Variants in PKD1 observed in about 807,000 individuals in gnomAD.
The protein encoded by PKD1 is polycystin-1.
PKD1 carries 81 observed loss-of-function variants against 361.7 expected under a neutral mutation model. That is an observed-to-expected ratio of 0.22 (90% CI 0.19 to 0.27). The LOEUF (loss-of-function observed/expected upper bound fraction) is 0.27. PKD1 is among the 10% of genes least tolerant of loss of function. The pLI, the probability that PKD1 is intolerant of heterozygous loss-of-function variation, is 1.00. For synonymous variants in PKD1, 3,615 were observed against 2,818.3 expected, an observed-to-expected ratio of 1.28 and a Z score of -8.95; for missense variants, 6,399 against 6,118.3, an observed-to-expected ratio of 1.05 and a Z score of -1.53.
rs1371585208 is a variant in PKD1, at chr16:2,119,058, G to A, written c.359+56C>T. ...ACACGGACCAACTGGGAGGGCAGAA[G>A]GGATATTGGGGGCCTGGGGTCCAGC... is the stretch of plus-strand genomic sequence containing the variant. On this transcript the variant is annotated intron_variant, in intron 3 of 45. Transcript: ENST00000262304. 10 of 1,011,874 alleles carry A rather than the reference G, an allele frequency of 9.9e-6. No homozygotes were observed. The Admixed American group carries it at 1.5e-4, about 15-fold the overall frequency. The allele number at this position is 1,011,874 out of a possible 1,614,324, so 62.7% of individuals were successfully genotyped here. A position where few individuals can be genotyped will look rare whatever the true frequency, so the allele number is the denominator to read the frequency against.
Position 2,110,469 on chromosome 16 carries a change from C to A in PKD1, c.4698G>T (p.Val1566=). 6.2e-7 allele frequency: 1 copy of A among 1,612,526 alleles called. No homozygotes were observed. Among genetic ancestry groups the A allele is most frequent in the East Asian group, 2.2e-5 (1 of 44,888 alleles). Residue 1566 remains valine (V), a synonymous_variant, in exon 15 of 46, where the codon GTG becomes GTT. Transcript: ENST00000262304. ...CGGCCTCCAGCGACGTGCTGAAGCT[C>A]ACGCTCCCATTCAGGGGCACCACCG... The part of the protein sequence containing the change: ...SRTVVPLNGS[V]SFSTSLEAGS...
At chr16:2,116,721 C>T in intron 7 of PKD1, 77 bp from the exon 8 acceptor site, 1 of 1,174,870 alleles carries the variant, frequency 8.5e-7, no homozygotes, top group Non-Finnish European at 1.2e-6. Context: ...GACCGAGCCG[C>T]CCGAAAACCC....
At position 2,092,029 on chromosome 16, in the gene PKD1, G is replaced by A. The variant is rs183078730; in HGVS notation, c.11411+18C>T. ...CCTTGTCCTTGGCGTAGACGCCCGG[G>A]GCCCTCGCTCTGCTCACCCCAGCAG... On this transcript the variant is annotated intron_variant, in intron 40 of 45. Transcript: ENST00000262304. 1,313 of 1,612,702 alleles carry A rather than the reference G, an allele frequency of 8.1e-4. 9 individuals are homozygous for A. The African/African-American group carries it at 0.015, about 19-fold the overall frequency.
intron 42 of PKD1, 43 bp downstream of exon 42, chr16:2,091,380 G>T (rs1416708099): frequency 1.0e-5 from 11 of 1,060,590 alleles, no homozygotes; most frequent in Non-Finnish European, 1.3e-5. Context: ...GGGGCGGGAC[G>T]CTGCCGGTGG....
rs368096637 is a variant in PKD1, at chr16:2,090,529, G to A, written c.12200C>T (p.Pro4067Leu). 68 of 1,610,410 alleles carry A rather than the reference G, an allele frequency of 4.2e-5. 1 individual carries two copies. In the Admixed American group the frequency reaches 7.3e-4, roughly 17 times the overall value. ...SVAQALLVLCPGTGLSTLCPA... is the reference protein window; with the variant it reads ...SVAQALLVLCLGTGLSTLCPA... ...ACACAGGGTAGAGAGCCCAGTCCCAGGGCACAGCACCAACAGGGCCTGGGC... is the reference window on the plus strand; with the variant it reads ...ACACAGGGTAGAGAGCCCAGTCCCAAGGCACAGCACCAACAGGGCCTGGGC... Residue 4067 changes from proline to leucine, a missense_variant, in exon 45 of 46, where the codon CCT becomes CTT. Pro to Leu is a moderately conservative substitution (Grantham distance 98, BLOSUM62 -3). Coordinates refer to ENST00000262304, the MANE Select transcript of PKD1 (RefSeq NM_001009944.3).
chr16:2,114,011 G>A, intron 11 of PKD1, 159 bp downstream of exon 11: 2 of 654,092 alleles, frequency 3.1e-6, no homozygotes, highest in Non-Finnish European at 2.6e-6. Flanking sequence ...AAGCCCACCA[G>A]GTAGCCCGAG....
Position 2,102,585 on chromosome 16 carries a change from G to C in PKD1, c.8997C>G (p.Phe2999Leu), listed in dbSNP as rs770212765. 6.2e-7 allele frequency: 1 copy of C among 1,611,168 alleles called. No individual in the cohort carries two copies. The highest frequency in any genetic ancestry group is 1.1e-5 in the South Asian group (1 of 91,012). The change falls in exon 25 of 46, where the codon TTC (phenylalanine) becomes TTG (leucine). Residue 2999 changes from phenylalanine (F) to leucine (L), a missense_variant. Physicochemically the swap from Phe to Leu is conservative, Grantham distance 22 (BLOSUM62 0). Coordinates refer to ENST00000262304, the MANE Select transcript of PKD1 (RefSeq NM_001009944.3). ...CGGACACCTGCAGCGCCGACCAGCGGAAGTGGCTGGAGAGGTTCAGATGGT... is the reference window on the plus strand; with the variant it reads ...CGGACACCTGCAGCGCCGACCAGCGCAAGTGGCTGGAGAGGTTCAGATGGT... ...GSYHLNLSSH[F>L]RWSALQVSVG...
intron 1 of PKD1, among the ~76,000 whole-genome samples, chr16:2,124,806 G>A (rs1326596308): frequency 6.6e-6 from 1 of 152,224 alleles, no homozygotes; most frequent in African/African-American, 2.4e-5. Context: ...GGGGGGACCG[G>A]CTCGGAGGGG....
chr16:2,096,443 T>TGTGCGTGACTAC (rs1440495551), intron 34 of PKD1, among the ~76,000 whole-genome samples: 2 of 152,258 alleles, frequency 1.3e-5, no homozygotes, highest in Non-Finnish European at 2.9e-5. Context: ...TGCGTGACTA[T>TGTGCGTGACTAC]GTGCGTGACT....
At position 2,110,692 on chromosome 16, in the gene PKD1, C is replaced by T. The variant is rs757055929; in HGVS notation, c.4475G>A (p.Arg1492His). The stretch of plus-strand genomic sequence containing the variant: ...CCACAGGTAGCTGGCGGGGCGCCCA[C>T]GGCCCACAGCAGAGAACAGGTACGG... ...QQPYLFSAVGRGRPASYLWDL... is the reference protein window; with the variant it reads ...QQPYLFSAVGHGRPASYLWDL... The change falls in exon 15 of 46, where the codon CGT (arginine) becomes CAT (histidine). Residue 1492 changes from arginine to histidine, a missense_variant. Arg to His is a conservative substitution (Grantham distance 29). Coordinates refer to ENST00000262304, the MANE Select transcript of PKD1 (RefSeq NM_001009944.3). 93 of 1,610,176 alleles carry T rather than the reference C, an allele frequency of 5.8e-5. No individual in the cohort carries two copies. The highest frequency in any genetic ancestry group is 8.3e-5 in the Admixed American group (5 of 59,986).
At chr16:2,127,466 G>A (rs745369038) in intron 1 of PKD1, among the ~76,000 whole-genome samples, 7 of 152,152 alleles carry the variant, frequency 4.6e-5, no homozygotes, top group Non-Finnish European at 7.4e-5. Context: ...GAGTCCACCC[G>A]CCCAGGCTGC....
chr16:2,094,051 C>A, intron 35 of PKD1, 38 bp from the exon 36 acceptor site: 4 of 1,590,998 alleles, frequency 2.5e-6, no homozygotes, highest in Non-Finnish European at 3.4e-6. Flanking sequence ...AGGCAGCTCA[C>A]AGGGAGGGGC....
chr16:2,090,027 C>T lies in PKD1; in HGVS notation c.12612G>A (p.Leu4204=), dbSNP rs1249501079. 1.2e-6 allele frequency: 2 copies of T among 1,610,732 alleles called. No individual in the cohort carries two copies. Among genetic ancestry groups the T allele is most frequent in the South Asian group, 2.2e-5 (2 of 90,886 alleles). ...AGGGCTCAGGCTCACACCTTGTCCC[C>T]AGCCGGCCCAGGCTCACGCTCAGCC... is the stretch of plus-strand genomic sequence containing the variant. ...LDGLSVSLGR[L]GTRCEPEPSR... Residue 4204 remains leucine, a synonymous_variant, in exon 46 of 46, where the codon CTG becomes CTA. Transcript: ENST00000262304.
At chr16:2,104,359 G>A in intron 22 of PKD1, 139 bp downstream of exon 22, 2 of 536,948 alleles carry the variant, frequency 3.7e-6, no homozygotes, top group Non-Finnish European at 6.7e-6. Flanking sequence ...TTGGGGGAGG[G>A]GGATGAGGAT....
chr16:2,109,278 C>T lies in PKD1; in HGVS notation c.5889G>A (p.Val1963=), dbSNP rs2092440436. Residue 1963 remains valine (V), a synonymous_variant, in exon 15 of 46, where the codon GTG becomes GTA. Transcript: ENST00000262304. ...KNHVSWAQAQ[V]RIVVLEAVSG... ...TCACGGCCTCCAGCACCACGATGCG[C>T]ACCTGCGCCTGGGCCCAGCTCACGT... is the stretch of plus-strand genomic sequence containing the variant. 3 of 1,583,884 alleles carry T rather than the reference C, an allele frequency of 1.9e-6. No homozygotes were observed. The highest frequency in any genetic ancestry group is 2.6e-6 in the Non-Finnish European group (3 of 1,166,664).
intron 1 of PKD1, among the ~76,000 whole-genome samples, chr16:2,126,200 G>T (rs980680070): frequency 6.6e-6 from 1 of 152,246 alleles, no homozygotes; most frequent in African/African-American, 2.4e-5. Flanking sequence ...AGAACCCGGA[G>T]CCCCTGTACT....
In PKD1 at chr16:2,112,865, C is replaced by A; in HGVS notation, c.3084G>T (p.Pro1028=). The change falls in exon 13 of 46, where the codon CCG becomes CCT. Residue 1028 remains proline, a synonymous_variant. Coordinates refer to ENST00000262304, the MANE Select transcript of PKD1 (RefSeq NM_001009944.3). The stretch of plus-strand genomic sequence containing the variant: ...GCGTGGCATTGGGGGACAGCACGGC[C>A]GGCACTGTGGAGACCTGCAGACCCT... ...RMQGLQVSTV[P]AVLSPNATLA... 6.2e-7 allele frequency: 1 copy of A among 1,606,450 alleles called. No individual in the cohort carries two copies.
Position 2,103,824 on chromosome 16 carries a change from A to G in PKD1, c.8233T>C (p.Ser2745Pro), listed in dbSNP as rs2092206629. The G allele has an allele frequency of 1.9e-6, 3 of 1,607,794 alleles. No homozygotes were observed. Among genetic ancestry groups the G allele is most frequent in the East Asian group, 2.2e-5 (1 of 44,626 alleles). ...QPSELGAESP[S>P]RMVASQAYNL... ...TAGGCCTGGGACGCCACCATCCGAG[A>G]TGGTGACTCGGCTCCCAGCTCTGAG... Residue 2745 changes from serine (S) to proline (P), a missense_variant, in exon 23 of 46, where the codon TCT becomes CCT. Coordinates refer to ENST00000262304, the MANE Select transcript of PKD1 (RefSeq NM_001009944.3).
Position 2,108,007 on chromosome 16 carries a change from T to A in PKD1, c.6941A>T (p.Asn2314Ile), listed in dbSNP as rs747749178. Residue 2314 changes from asparagine (N) to isoleucine (I), a missense_variant, in exon 16 of 46, where the codon AAC becomes ATC. Asn to Ile is a moderately radical substitution (Grantham distance 149). Transcript: ENST00000262304. ...CGTGCTGCTCCCGCGGGGCCCAAAG[T>A]TCAGCGCACACCCGCCAGCCTCCCT... The part of the protein sequence containing the change: ...TQREAGGCAL[N>I]FGPRGSSTVT... 8.4e-6 allele frequency: 13 copies of A among 1,548,900 alleles called. No homozygotes were observed. The South Asian group carries it at 1.2e-4, about 14-fold the overall frequency.
Sources: gnomAD v4.1 joint callset for allele counts (sites outside exome capture counted in the v4.1 genomes callset) on GRCh38, gnomAD v4.1.1 for gene constraint, MANE v1.5 for transcripts, NCBI Gene and HGNC (gene_info 2026-07-23, HGNC 2026-07-21) for gene names.